DMRTC1: variants seen among roughly 807,000 people sequenced by gnomAD.
The protein encoded by DMRTC1 is DMRT like family C1.
For synonymous variants in DMRTC1, 7 were observed against 14.1 expected (o/e 0.50, Z 1.13); for missense variants, 9 against 34.6 (o/e 0.26, Z 1.86).
chrX:72,874,720 A>T (rs1383510249), intron 4 of DMRTC1, 105 bp downstream of exon 4: 45 of 136,592 alleles, frequency 3.3e-4, no homozygotes, highest in African/African-American at 1.5e-3. Context: ...CCCCTCCACC[A>T]CCTCCTCCTC....
rs1217269055 is a variant in DMRTC1, at chrX:72,872,351, TA to T, written c.*100del. The T allele has an allele frequency of 8.8e-6, 4 of 452,494 alleles. No individual in the cohort carries two copies. The South Asian group carries it at 1.1e-4, about 12-fold the overall frequency. The allele number at this position is 452,494 out of a possible 1,213,427, so 37.3% of individuals were successfully genotyped here. On this transcript the variant is annotated 3_prime_UTR_variant, in exon 7 of 7. Transcript: ENST00000615063. ...AAGCTTATAAAACACCTGAAGGCTT[TA>T]AAAAAAGACGTTAAGCGTTTTGGAC...
intron 6 of DMRTC1, among the ~76,000 whole-genome samples, chrX:72,872,860 A>G (rs1438951620): frequency 2.8e-3 from 196 of 69,770 alleles, no homozygotes; most frequent in Non-Finnish European, 4.0e-3. Context: ...GACCTGTCAG[A>G]CCTCTGTGAT....
At chrX:72,905,879 A>C (rs1479773112) in intron 1 of DMRTC1, among the ~76,000 whole-genome samples, 1 of 113,862 alleles carries the variant, frequency 8.8e-6, no homozygotes, top group Non-Finnish European at 1.9e-5. Context: ...TGAAATAATA[A>C]AAAATTAGAG....
rs1384847312 is a variant in DMRTC1 at position 72,902,906 on chromosome X, A to T, written c.-94-27118T>A. ...TGTTTTCCTGATACCAAAACCAGACAAAGACACACACACACACACACACAC... is the reference window on the plus strand; with the variant it reads ...TGTTTTCCTGATACCAAAACCAGACTAAGACACACACACACACACACACAC... On this transcript the variant is annotated intron_variant, in intron 1 of 6. Transcript: ENST00000615063. 2.2e-4 allele frequency among the ~76,000 whole-genome samples: 14 copies of T among 63,485 alleles called. 1 individual carries two copies. The highest frequency in any genetic ancestry group is 6.9e-3 in the Middle Eastern group (1 of 144). 55.1% of individuals were successfully genotyped at this position (63,485 alleles called of 115,157 possible).
At chrX:72,914,215 AG>A (rs781905255) in intron 1 of DMRTC1, among the ~76,000 whole-genome samples, 1 of 28,222 alleles carries the variant, frequency 3.5e-5, no homozygotes, top group Non-Finnish European at 5.2e-5. Context: ...AAGCCAGGGG[AG>A]GAAAAAAAAA....
intron 1 of DMRTC1, among the ~76,000 whole-genome samples, chrX:72,906,049 G>A (rs2054932806): frequency 1.5e-5 from 1 of 68,543 alleles, no homozygotes; most frequent in African/African-American, 6.2e-5. Flanking sequence ...AGAAATGAAA[G>A]AAGAGACTTT....
chrX:72,906,064 T>C (rs1468623987), intron 1 of DMRTC1, among the ~76,000 whole-genome samples: 1 of 68,809 alleles, frequency 1.5e-5, no homozygotes, highest in South Asian at 1.1e-3. Context: ...GACTTTACAA[T>C]TGATGCCAGA....
intron 1 of DMRTC1, chrX:72,913,317 G>A (rs1486297746): frequency 1.2e-5 from 8 of 670,817 alleles, no homozygotes; most frequent in East Asian, 6.7e-5. Context: ...AACGGTGACC[G>A]AGCCCCCTCT....
At position 72,913,181 on chromosome X, in the gene DMRTC1, G is replaced by T. The variant is rs1237027757; in HGVS notation, c.-95+30394C>A. ...GCCTCCCCTTCCTGTTCCACCAAGA[G>T]AACCTCAGGCCAAGCCAGAAATCCC... On this transcript the variant is annotated intron_variant, in intron 1 of 6. Coordinates refer to ENST00000615063, the MANE Select transcript of DMRTC1 (RefSeq NM_033053.3). 1,660 of 701,374 alleles carry T rather than the reference G, an allele frequency of 2.4e-3. 9 individuals are homozygous for T. The African/African-American group carries it at 0.033, about 14-fold the overall frequency. 57.8% of individuals were successfully genotyped at this position (701,374 alleles called of 1,213,427 possible). A position where few individuals can be genotyped will look rare whatever the true frequency, so the allele number is the denominator to read the frequency against.
At chrX:72,880,651 GCTTTTTCT>G (rs1487390836) in intron 1 of DMRTC1, among the ~76,000 whole-genome samples, 24 of 19,013 alleles carry the variant, frequency 1.3e-3, no homozygotes, top group Non-Finnish European at 2.3e-3. Context: ...GCTTTGCTTT[GCTTTTTCT>G]CTTTGCTTTG....
intron 6 of DMRTC1, among the ~76,000 whole-genome samples, chrX:72,872,809 C>T (rs2054778393): frequency 1.4e-5 from 1 of 72,295 alleles, no homozygotes; most frequent in Admixed American, 1.7e-4. Flanking sequence ...CGTTCCCTGG[C>T]TCCTCACTAC....
At chrX:72,872,712 T>A in intron 6 of DMRTC1, 148 bp from the exon 7 acceptor site, 1 of 439,782 alleles carries the variant, frequency 2.3e-6, no homozygotes, top group Non-Finnish European at 4.0e-6. Context: ...TCTCCCATCT[T>A]GCCTCCCCCA....
chrX:72,913,310 G>C (rs1261101498), intron 1 of DMRTC1: 3 of 703,427 alleles, frequency 4.3e-6, no homozygotes, highest in South Asian at 2.3e-5. Context: ...AGGCGTGAAC[G>C]GTGACCGAGC....
Position 72,872,131 on chromosome X carries a change from A to G in DMRTC1, c.*321T>C. ...TGCAGGGGTATACACATGAGTGCAC[A>G]GGTATGTCAGCAATCACAAGACGAA... is the stretch of plus-strand genomic sequence containing the variant. On this transcript the variant is annotated 3_prime_UTR_variant, in exon 7 of 7. Transcript: ENST00000615063. The G allele has an allele frequency of 1.4e-5, 1 of 69,196 alleles. No homozygotes were observed. The highest frequency in any genetic ancestry group is 2.1e-5 in the Non-Finnish European group (1 of 48,115). 5.7% of individuals were successfully genotyped at this position (69,196 alleles called of 1,213,427 possible). A position where few individuals can be genotyped will look rare whatever the true frequency, so the allele number is the denominator to read the frequency against.
At chrX:72,913,475 G>A (rs1385862797) in intron 1 of DMRTC1, 1 of 421,872 alleles carries the variant, frequency 2.4e-6, no homozygotes. Context: ...GTGGTGGTGG[G>A]GTTGTGAAGG....
chrX:72,913,286 G>A (rs1413653822), intron 1 of DMRTC1: 9 of 849,411 alleles, frequency 1.1e-5, no homozygotes, highest in African/African-American at 2.2e-5. Flanking sequence ...TGAGACCACC[G>A]GAGCCACAGA....
chrX:72,916,189 C>T (rs1186828031), intron 1 of DMRTC1, among the ~76,000 whole-genome samples: 15 of 104,408 alleles, frequency 1.4e-4, no homozygotes, highest in Non-Finnish European at 3.8e-5. Flanking sequence ...AGGAGCGTCA[C>T]ATGTTTTTGT....
intron 1 of DMRTC1, among the ~76,000 whole-genome samples, chrX:72,879,349 GCTTTC>G (rs2054829063): frequency 9.0e-5 from 1 of 11,071 alleles, no homozygotes; most frequent in East Asian, 3.5e-3. Context: ...CCTTTTCTTT[GCTTTC>G]CTTTCCCTTC....
chrX:72,874,672 C>CCCT (rs1252982875), intron 4 of DMRTC1, among the ~76,000 whole-genome samples, 153 bp downstream of exon 4: 55 of 105,887 alleles, frequency 5.2e-4, no homozygotes, highest in African/African-American at 6.7e-4. Context: ...CTCCTCCTCT[C>CCCT]CCTCCTCCTC....
Sources: allele counts gnomAD v4.1 joint callset (sites outside exome capture counted in the v4.1 genomes callset), GRCh38; gene constraint gnomAD v4.1.1; transcripts MANE v1.5; gene names NCBI Gene and HGNC (gene_info 2026-07-23, HGNC 2026-07-21).